WDR93: variants seen among roughly 807,000 people sequenced by gnomAD.
WDR93 encodes WD repeat-containing protein 93.
A neutral mutation model predicts 82.9 loss-of-function variants in WDR93; 73 were observed. That is an observed-to-expected ratio of 0.88 (90% CI 0.73 to 1.07). The LOEUF is 1.07. Ranked by LOEUF, WDR93 falls within the 50% of genes least tolerant of loss-of-function variation. The pLI, the probability that WDR93 is intolerant of heterozygous loss-of-function variation, is 0.00. For synonymous variants in WDR93, 283 were observed against 300.1 expected (o/e 0.94, Z 0.59); for missense variants, 738 against 826.0 (o/e 0.89, Z 1.31).
chr15:89,743,618 AAC>A lies in WDR93; in HGVS notation c.*229_*230del, dbSNP rs1967845640. 8.8e-6 allele frequency: 5 copies of A among 566,480 alleles called. No individual in the cohort carries two copies. The highest frequency in any genetic ancestry group is 1.6e-5 in the Non-Finnish European group (5 of 317,078). 35.1% of individuals were successfully genotyped at this position (566,480 alleles called of 1,614,324 possible). A position where few individuals can be genotyped will look rare whatever the true frequency, so the allele number is the denominator to read the frequency against. ...GGCAGGCAGATGTGTCACCCAAATAAACAGTGATATTGTCTCCAGACTCCCAA... is the reference window on the plus strand; with the variant it reads ...GGCAGGCAGATGTGTCACCCAAATAAAGTGATATTGTCTCCAGACTCCCAA... On this transcript the variant is annotated 3_prime_UTR_variant, in exon 17 of 17. Transcript: ENST00000268130.
chr15:89,738,262 C>T, intron 16 of WDR93, 26 bp downstream of exon 16: 1 of 1,554,216 alleles, frequency 6.4e-7, no homozygotes, highest in Non-Finnish European at 8.7e-7. Context: ...TCTTCACCCC[C>T]TCCCACATCT....
At chr15:89,716,835 G>A (rs1189178991) in intron 6 of WDR93, 76 bp from the exon 7 acceptor site, 5 of 1,015,248 alleles carry the variant, frequency 4.9e-6, no homozygotes, top group Admixed American at 4.6e-5. Context: ...GGAAGAGAGA[G>A]CATGCCAGAA....
chr15:89,725,990 G>T (rs1381403117), intron 8 of WDR93, among the ~76,000 whole-genome samples: 1 of 152,122 alleles, frequency 6.6e-6, no homozygotes, highest in Non-Finnish European at 1.5e-5. Flanking sequence ...TAAGAAAAAG[G>T]TTTAATAACT....
rs1477751180 is a variant in WDR93, at chr15:89,737,610, T to C, written c.1646T>C (p.Met549Thr). The C allele has an allele frequency of 9.9e-6, 16 of 1,614,234 alleles. No individual in the cohort carries two copies. The highest frequency in any genetic ancestry group is 3.3e-5 in the South Asian group (3 of 91,086). ...IFSKNGSVCL[M>T]DVAKREIICA... is the part of the protein sequence containing the mutation. ...TCCAAGAATGGCTCTGTGTGCCTTA[T>C]GGATGTGGCCAAGCGTGAAATCATC... Residue 549 changes from methionine (M) to threonine (T), a missense_variant, in exon 15 of 17, where the codon ATG (methionine) becomes ACG (threonine). Coordinates refer to ENST00000268130, the MANE Select transcript of WDR93 (RefSeq NM_020212.2).
chr15:89,705,714 A>C, intron 4 of WDR93, 96 bp downstream of exon 4: 1 of 851,280 alleles, frequency 1.2e-6, no homozygotes, highest in Admixed American at 2.1e-5. Flanking sequence ...CCTAGATTAG[A>C]AAGAAATAGA....
chr15:89,721,785 G>T, intron 7 of WDR93, among the ~76,000 whole-genome samples: 1 of 152,240 alleles, frequency 6.6e-6, no homozygotes, highest in East Asian at 1.9e-4. Flanking sequence ...ACCATGCCCA[G>T]TAAGGGTCTA....
At chr15:89,691,131 G>C (rs954773250) in intron 1 of WDR93, among the ~76,000 whole-genome samples, 2 of 152,054 alleles carry the variant, frequency 1.3e-5, no homozygotes, top group African/African-American at 4.8e-5. Flanking sequence ...TTTCCCTTGA[G>C]CTACACCAGC....
chr15:89,716,879 A>C lies in WDR93; in HGVS notation c.757-32A>C, dbSNP rs774028545. 6.7e-6 allele frequency: 10 copies of C among 1,483,536 alleles called. No individual in the cohort carries two copies. In the South Asian group the frequency reaches 1.2e-4, roughly 19 times the overall value. The allele number at this position is 1,483,536 out of a possible 1,614,324, so 91.9% of individuals were successfully genotyped here. ...GGGGTGGTAAACATACATCAAACCT[A>C]TTGTGAATTAATTTCTCATTTTTCT... On this transcript the variant is annotated intron_variant, in intron 6 of 16. Transcript: ENST00000268130.
rs1965078336 is a variant in WDR93, at chr15:89,694,659, AC to A, written c.-41+3803del. 2.0e-5 allele frequency among the ~76,000 whole-genome samples: 3 copies of A among 152,246 alleles called. No individual in the cohort carries two copies. In the South Asian group the frequency reaches 6.2e-4, roughly 31 times the overall value. ...CTGAGGATTACCTTTTATTCTCTTAACAGTGTGTTTTGAAGAAACACAAGTT... is the reference window on the plus strand; with the variant it reads ...CTGAGGATTACCTTTTATTCTCTTAAAGTGTGTTTTGAAGAAACACAAGTT... On this transcript the variant is annotated intron_variant, in intron 1 of 16. Transcript: ENST00000268130.
At chr15:89,703,294 G>C in intron 3 of WDR93, 152 bp downstream of exon 3, 1 of 766,938 alleles carries the variant, frequency 1.3e-6, no homozygotes, top group Non-Finnish European at 2.1e-6. Flanking sequence ...AGGTATGGTG[G>C]GTCAGATACT....
intron 1 of WDR93, among the ~76,000 whole-genome samples, chr15:89,691,263 A>G (rs1337612318): frequency 6.6e-6 from 1 of 152,208 alleles, no homozygotes; most frequent in Non-Finnish European, 1.5e-5. Flanking sequence ...TTGAAAGAAG[A>G]TTGTTACCTG....
chr15:89,690,760 C>CCTCTGGGGCGG, upstream of WDR93: 1 of 605,098 alleles, frequency 1.7e-6, no homozygotes, highest in Non-Finnish European at 2.8e-6. Flanking sequence ...CTCTCCGCCC[C>CCTCTGGGGCGG]AGAGGGGGCG....
chr15:89,729,031 CCTT>C lies in WDR93; in HGVS notation c.1064_1066del (p.Phe355del). 1 of 1,614,168 alleles carries C rather than the reference CCTT, an allele frequency of 6.2e-7. No individual in the cohort carries two copies. The highest frequency in any genetic ancestry group is 8.5e-7 in the Non-Finnish European group (1 of 1,179,992). ...GTGTCTTTCTTTCCCAGTACGGCCA[CCTT>C]CTATTTCCTTCTTCCTAGCTGCCTA... On this transcript the variant is annotated inframe_deletion, in exon 10 of 17. Coordinates refer to ENST00000268130, the MANE Select transcript of WDR93 (RefSeq NM_020212.2).
Position 89,743,376 on chromosome 15 carries a change from G to C in WDR93, c.2046G>C (p.Glu682Asp), listed in dbSNP as rs1486633611. The change falls in exon 17 of 17, where the codon GAG (glutamate) becomes GAC (aspartate). Residue 682 changes from glutamate to aspartate, a missense_variant. Transcript: ENST00000268130. ...LQRYSLSLQR[E>D]NFKK is the part of the protein sequence containing the mutation. Reference sequence around the variant, plus strand: ...GGTACTCCTTGTCGCTCCAGAGAGAGAACTTCAAGAAGTGAGGCTGCCACC... The same window carrying C: ...GGTACTCCTTGTCGCTCCAGAGAGACAACTTCAAGAAGTGAGGCTGCCACC... 6.8e-6 allele frequency: 11 copies of C among 1,614,170 alleles called. No homozygotes were observed. The highest frequency in any genetic ancestry group is 9.3e-6 in the Non-Finnish European group (11 of 1,180,020).
chr15:89,701,373 A>G (rs1048784556), intron 1 of WDR93, among the ~76,000 whole-genome samples: 1 of 152,198 alleles, frequency 6.6e-6, no homozygotes, highest in African/African-American at 2.4e-5. Context: ...AGAGAGAAAG[A>G]GAATGAGGAG....
At position 89,711,639 on chromosome 15, in the gene WDR93, T is replaced by C. The variant is rs180773108; in HGVS notation, c.562-387T>C. On this transcript the variant is annotated intron_variant, in intron 4 of 16. Coordinates refer to ENST00000268130, the MANE Select transcript of WDR93 (RefSeq NM_020212.2). The stretch of plus-strand genomic sequence containing the variant: ...CATTCAGTCTCTACCATAGTCTAAA[T>C]AGAGCCTTTTGTCCAGCAACTACCA... 3.9e-5 allele frequency among the ~76,000 whole-genome samples: 6 copies of C among 152,094 alleles called. No individual in the cohort carries two copies. The East Asian group carries it at 1.2e-3, about 29-fold the overall frequency.
chr15:89,730,293 C>G (rs1966848828), intron 11 of WDR93, among the ~76,000 whole-genome samples: 1 of 149,332 alleles, frequency 6.7e-6, no homozygotes, highest in Admixed American at 6.7e-5. Flanking sequence ...CCACTGCACT[C>G]CAGCCTGGGT....
intron 15 of WDR93, 40 bp from the exon 16 acceptor site, chr15:89,738,001 C>T (rs372897312): frequency 1.7e-5 from 26 of 1,557,656 alleles, no homozygotes; most frequent in East Asian, 4.5e-5. Flanking sequence ...ACTGAGAAAG[C>T]GATTGTTACA....
chr15:89,726,356 G>A (rs1326019833), intron 8 of WDR93, among the ~76,000 whole-genome samples: 1 of 152,192 alleles, frequency 6.6e-6, no homozygotes, highest in Non-Finnish European at 1.5e-5. Flanking sequence ...CAAGTTCCCA[G>A]GTGACTCTGC....
Sources: gnomAD v4.1 joint callset for allele counts (sites outside exome capture counted in the v4.1 genomes callset) on GRCh38, gnomAD v4.1.1 for gene constraint, MANE v1.5 for transcripts, NCBI Gene and HGNC (gene_info 2026-07-23, HGNC 2026-07-21) for gene names.